Variants in DNAJC25 observed in about 807,000 individuals in gnomAD.
The protein encoded by DNAJC25 is dnaJ homolog subfamily C member 25.
DNAJC25 carries 26 observed loss-of-function variants against 42.1 expected under a neutral mutation model. The ratio of observed to expected loss-of-function variants is 0.62; its 90% CI spans 0.45 to 0.86. DNAJC25 has a LOEUF of 0.86. Ranked by LOEUF, DNAJC25 falls within the 40% of genes least tolerant of loss-of-function variation. The probability of loss-of-function intolerance (pLI) is 0.00; values close to 1 mark genes in which losing one functional copy is unlikely to be tolerated. For missense variants in DNAJC25, 404 were observed against 459.4 expected, an observed-to-expected ratio of 0.88 and a Z score of 1.10; for synonymous variants, 189 against 179.9, an observed-to-expected ratio of 1.05 and a Z score of -0.40.
At chr9:111,640,379 G>T (rs1830434147) in intron 1 of DNAJC25, among the ~76,000 whole-genome samples, 1 of 143,516 alleles carries the variant, frequency 7.0e-6, no homozygotes, top group Non-Finnish European at 1.5e-5. Context: ...GTCTCTGCCT[G>T]GCCGCCCATC....
Position 111,649,640 on chromosome 9 carries a change from T to C in DNAJC25, c.677T>C (p.Ile226Thr). The C allele has an allele frequency of 6.2e-7, 1 of 1,613,716 alleles. No homozygotes were observed. The highest frequency in any genetic ancestry group is 8.5e-7 in the Non-Finnish European group (1 of 1,179,918). ...GAGGAGAACATCATAAAGAACATTA[T>C]AAAAAGTAAAATAGATATAAAGGGG... ...DEEENIIKNI[I>T]KSKIDIKGGY... is the part of the protein sequence containing the mutation. Residue 226 changes from isoleucine to threonine, a missense_variant, in exon 3 of 4, where the codon ATA (isoleucine) becomes ACA (threonine). Coordinates refer to ENST00000313525, the MANE Select transcript of DNAJC25 (RefSeq NM_001015882.3).
chr9:111,631,912 G>A (rs1019993274), intron 1 of DNAJC25, among the ~76,000 whole-genome samples, 169 bp downstream of exon 1: 1 of 152,364 alleles, frequency 6.6e-6, no homozygotes, highest in South Asian at 2.1e-4. Flanking sequence ...TGAAAGAGCC[G>A]AGTCGGCCCC....
Position 111,649,861 on chromosome 9 carries a change from C to A in DNAJC25, c.898C>A (p.Leu300Ile). 6.2e-7 allele frequency: 1 copy of A among 1,604,122 alleles called. No homozygotes were observed. The highest frequency in any genetic ancestry group is 1.1e-5 in the South Asian group (1 of 88,954). ...GATGTCAAAGTCTCAATTTGATAGT[C>A]TAGAAGATCATCAGAAAGAAACTTT... ...MKMSKSQFDSLEDHQKETFLK... is the reference protein window; with the variant it reads ...MKMSKSQFDSIEDHQKETFLK... The change falls in exon 3 of 4, where the codon CTA (leucine) becomes ATA (isoleucine). Residue 300 changes from leucine to isoleucine, a missense_variant. Transcript: ENST00000313525.
intron 1 of DNAJC25, among the ~76,000 whole-genome samples, chr9:111,644,591 A>G (rs2083832317): frequency 6.6e-6 from 1 of 152,218 alleles, no homozygotes; most frequent in Admixed American, 6.5e-5. Context: ...GGAGGAGTGC[A>G]GACAGCCGGG....
intron 1 of DNAJC25, among the ~76,000 whole-genome samples, chr9:111,635,936 G>A (rs1047081526): frequency 2.0e-5 from 3 of 152,126 alleles, no homozygotes; most frequent in Admixed American, 6.5e-5. Flanking sequence ...TTTATTGTTC[G>A]TTCCTTATAT....
chr9:111,638,742 C>T (rs1030282907), intron 1 of DNAJC25, among the ~76,000 whole-genome samples: 4 of 152,026 alleles, frequency 2.6e-5, no homozygotes, highest in East Asian at 1.9e-4. Context: ...CTCCCTCATT[C>T]GACTTTTTGC....
At chr9:111,638,125 T>G (rs1830390734) in intron 1 of DNAJC25, among the ~76,000 whole-genome samples, 1 of 152,226 alleles carries the variant, frequency 6.6e-6, no homozygotes, top group South Asian at 2.1e-4. Flanking sequence ...CTTATCTTTG[T>G]GAAAGCATAA....
Position 111,631,383 on chromosome 9 carries a change from G to T in DNAJC25, c.-25G>T. 7.9e-7 allele frequency: 1 copy of T among 1,273,782 alleles called. No individual in the cohort carries two copies. The highest frequency in any genetic ancestry group is 9.9e-7 in the Non-Finnish European group (1 of 1,014,098). 78.9% of individuals were successfully genotyped at this position (1,273,782 alleles called of 1,614,324 possible). ...CTGAGTGCTGCAGAATCGCTGGGGT[G>T]GCAGAGCCGCCAGCGAGGCTGGGGA... On this transcript the variant is annotated 5_prime_UTR_variant, in exon 1 of 4. Transcript: ENST00000313525.
chr9:111,641,685 T>C (rs1463381132), intron 1 of DNAJC25, among the ~76,000 whole-genome samples: 2 of 40,762 alleles, frequency 4.9e-5, no homozygotes, highest in Non-Finnish European at 8.6e-5. Context: ...GGGGGGGGGG[T>C]CAGCCCCCCT....
Position 111,649,547 on chromosome 9 carries a change from A to G in DNAJC25, c.584A>G (p.Gln195Arg), listed in dbSNP as rs1830617440. 1.2e-6 allele frequency: 2 copies of G among 1,614,126 alleles called. No homozygotes were observed. Among genetic ancestry groups the G allele is most frequent in the Non-Finnish European group, 1.7e-6 (2 of 1,180,014 alleles). The change falls in exon 3 of 4, where the codon CAG (glutamine) becomes CGG (arginine). Residue 195 changes from glutamine to arginine, a missense_variant. Gln to Arg is a conservative substitution (Grantham distance 43). Coordinates refer to ENST00000313525, the MANE Select transcript of DNAJC25 (RefSeq NM_001015882.3). Reference sequence around the variant, plus strand: ...CAAGCTACAGAGATTGCCAAGCAGCAGGGACTGCTCAAAAAAGCCAAAGAA... The same window carrying G: ...CAAGCTACAGAGATTGCCAAGCAGCGGGGACTGCTCAAAAAAGCCAAAGAA... ...RIQATEIAKQQGLLKKAKEKG... is the reference protein window; with the variant it reads ...RIQATEIAKQRGLLKKAKEKG...
At position 111,649,887 on chromosome 9, in the gene DNAJC25, T is replaced by C. The variant is rs1830629143; in HGVS notation, c.924T>C (p.Phe308=). Residue 308 remains phenylalanine, a synonymous_variant, in exon 3 of 4, where the codon TTT becomes TTC. Transcript: ENST00000313525. ...DSLEDHQKET[F]LKRELWIKEN... is the part of the protein sequence containing the mutation. ...TAGAAGATCATCAGAAAGAAACTTTTCTTAAACGAGAGCTCTGGATCAAGG... is the reference window on the plus strand; with the variant it reads ...TAGAAGATCATCAGAAAGAAACTTTCCTTAAACGAGAGCTCTGGATCAAGG... The C allele has an allele frequency of 6.3e-7, 1 of 1,596,800 alleles. No homozygotes were observed. Among genetic ancestry groups the C allele is most frequent in the Non-Finnish European group, 8.5e-7 (1 of 1,174,868 alleles).
intron 1 of DNAJC25, among the ~76,000 whole-genome samples, chr9:111,639,834 A>C (rs1830418971): frequency 6.6e-6 from 1 of 151,666 alleles, no homozygotes; most frequent in Non-Finnish European, 1.5e-5. Flanking sequence ...TACTCTATGT[A>C]ATAGAAAGTT....
chr9:111,633,937 A>C (rs1830326806), intron 1 of DNAJC25, among the ~76,000 whole-genome samples: 1 of 152,232 alleles, frequency 6.6e-6, no homozygotes, highest in Admixed American at 6.5e-5. Context: ...AGTAGGTAAC[A>C]CTTGTACTCT....
At chr9:111,645,474 C>T (rs953840294) in intron 1 of DNAJC25, among the ~76,000 whole-genome samples, 8 of 152,118 alleles carry the variant, frequency 5.3e-5, no homozygotes, top group South Asian at 2.1e-4. Flanking sequence ...AGGCTGGTCT[C>T]GAACTCCTGA....
intron 1 of DNAJC25, among the ~76,000 whole-genome samples, chr9:111,642,400 G>A (rs1411182995): frequency 7.4e-6 from 1 of 135,368 alleles, no homozygotes; most frequent in African/African-American, 2.8e-5. Context: ...TTAAACAGAT[G>A]CTTGAAGGCA....
chr9:111,641,636 GC>G (rs1830469412), intron 1 of DNAJC25, among the ~76,000 whole-genome samples: 6 of 131,124 alleles, frequency 4.6e-5, no homozygotes, highest in African/African-American at 2.0e-4. Context: ...GGGGGGGTCA[GC>G]CCCCCGCCCG....
chr9:111,631,889 C>A, intron 1 of DNAJC25, 146 bp downstream of exon 1: 2 of 1,378,806 alleles, frequency 1.5e-6, no homozygotes, highest in Non-Finnish European at 1.9e-6. Flanking sequence ...CTCACGTTTC[C>A]CACGTGGCCC....
At chr9:111,639,928 C>CTCCGTCTCCG (rs1830422166) in intron 1 of DNAJC25, among the ~76,000 whole-genome samples, 9 of 120,042 alleles carry the variant, frequency 7.5e-5, no homozygotes, top group East Asian at 2.8e-4. Context: ...CTCCCTCTCC[C>CTCCGTCTCCG]TCTCCGTCTC....
chr9:111,631,881 C>T (rs985736597), intron 1 of DNAJC25, 138 bp downstream of exon 1: 5 of 1,380,048 alleles, frequency 3.6e-6, no homozygotes, highest in Non-Finnish European at 4.7e-6. Context: ...TTAAGATACT[C>T]ACGTTTCCCA....
Sources: gnomAD v4.1 joint callset for allele counts (sites outside exome capture counted in the v4.1 genomes callset) on GRCh38, gnomAD v4.1.1 for gene constraint, MANE v1.5 for transcripts, NCBI Gene and HGNC (gene_info 2026-07-23, HGNC 2026-07-21) for gene names.